The following NAV3 variants were observed in gnomAD, a reference collection of about 807,000 sequenced individuals.
The protein encoded by NAV3 is pore membrane and/or filament interacting like protein 1.
A neutral mutation model predicts 244.7 loss-of-function variants in NAV3; 87 were observed. The ratio of observed to expected loss-of-function variants is 0.36; its 90% CI spans 0.30 to 0.42. The LOEUF (loss-of-function observed/expected upper bound fraction) is 0.42. NAV3 is among the 20% of genes least tolerant of loss of function. The pLI, the probability that NAV3 is intolerant of heterozygous loss-of-function variation, is 1.00. For missense variants in NAV3, 2,663 were observed against 2,893.3 expected (o/e 0.92, Z 1.83); for synonymous variants, 1,126 against 1,042.2 (o/e 1.08, Z -1.55).
chr12:77,853,680 TA>T (rs962157782), intron 1 of NAV3, among the ~76,000 whole-genome samples: 1 of 151,910 alleles, frequency 6.6e-6, no homozygotes, highest in Non-Finnish European at 1.5e-5. Context: ...TATCTCTATT[TA>T]AAAAAAAGCC....
chr12:77,663,158 C>T (rs1873544056), intron 2 of NAV3, among the ~76,000 whole-genome samples: 1 of 152,172 alleles, frequency 6.6e-6, no homozygotes, highest in South Asian at 2.1e-4. Context: ...AGACATCTCA[C>T]ACTTAACTAG....
intron 2 of NAV3, among the ~76,000 whole-genome samples, chr12:77,684,080 C>G (rs1373103569): frequency 6.6e-6 from 1 of 152,160 alleles, no homozygotes; most frequent in Non-Finnish European, 1.5e-5. Context: ...TCCCAGTGAT[C>G]TGCATTCAGA....
At chr12:78,148,644 G>C (rs191833922) in intron 21 of NAV3, among the ~76,000 whole-genome samples, 198 bp from the exon 22 acceptor site, 1 of 152,216 alleles carries the variant, frequency 6.6e-6, no homozygotes, top group Admixed American at 6.5e-5. Flanking sequence ...ATTAGAGTTT[G>C]ACACATAACA....
rs551574814 is a variant in NAV3 at position 78,178,777 on chromosome 12, A to G, written c.5364-752A>G. Among the ~76,000 whole-genome samples the G allele has an allele frequency of 2.6e-4, 39 of 152,268 alleles. No homozygotes were observed. In the South Asian group the frequency reaches 7.7e-3, roughly 30 times the overall value. On this transcript the variant is annotated intron_variant, in intron 28 of 39. Transcript: ENST00000397909. Reference sequence around the variant, plus strand: ...TTTGTGGCCAGTAAACTAGTTGTCAAATTTTAAATGGAAAATATGTTAGTT... The same window carrying G: ...TTTGTGGCCAGTAAACTAGTTGTCAGATTTTAAATGGAAAATATGTTAGTT...
chr12:78,063,880 G>A (rs978112788), intron 12 of NAV3, among the ~76,000 whole-genome samples: 4 of 152,146 alleles, frequency 2.6e-5, no homozygotes, highest in Non-Finnish European at 5.9e-5. Flanking sequence ...GGAGACGAGA[G>A]ACAAAGGACC....
rs915588659 is a variant in NAV3, at chr12:78,091,713, G to A, written c.2637-25059G>A. On this transcript the variant is annotated intron_variant, in intron 12 of 39. Transcript: ENST00000397909. ...TGGGAGGCTGAGGCAGGAGAATGGCGTGAACCCGGGAGGCGGAGCTTGCAG... is the reference window on the plus strand; with the variant it reads ...TGGGAGGCTGAGGCAGGAGAATGGCATGAACCCGGGAGGCGGAGCTTGCAG... 37 of 146,530 alleles carry A rather than the reference G, an allele frequency of 2.5e-4. 1 individual carries two copies. Among genetic ancestry groups the A allele is most frequent in the African/African-American group, 1.5e-4 (6 of 39,494 alleles). 9.1% of individuals were successfully genotyped at this position (146,530 alleles called of 1,614,324 possible).
At chr12:78,078,112 A>C (rs1228198124) in intron 12 of NAV3, among the ~76,000 whole-genome samples, 3 of 152,108 alleles carry the variant, frequency 2.0e-5, no homozygotes, top group Non-Finnish European at 4.4e-5. Context: ...GTCTGTGTCC[A>C]AATTTCTCCT....
intron 1 of NAV3, among the ~76,000 whole-genome samples, chr12:77,867,586 A>C (rs936096604): frequency 6.6e-6 from 1 of 151,822 alleles, no homozygotes; most frequent in African/African-American, 2.4e-5. Context: ...CGCCCGGCTA[A>C]TTTTTTTGCA....
chr12:78,116,986 A>G (rs930815402), intron 13 of NAV3, 82 bp downstream of exon 13: 2 of 1,448,324 alleles, frequency 1.4e-6, no homozygotes, highest in African/African-American at 2.8e-5. Flanking sequence ...AAGGTATAGC[A>G]CAAGCCCTTA....
intron 11 of NAV3, among the ~76,000 whole-genome samples, chr12:78,057,902 T>A (rs928769226): frequency 2.0e-5 from 3 of 152,170 alleles, no homozygotes; most frequent in African/African-American, 7.2e-5. Flanking sequence ...AGGTGCCTGA[T>A]TTTTTTCCAA....
intron 2 of NAV3, among the ~76,000 whole-genome samples, chr12:77,712,984 A>T (rs1284900499): frequency 2.0e-5 from 3 of 152,184 alleles, no homozygotes; most frequent in Non-Finnish European, 4.4e-5. Context: ...ACTCACAGCC[A>T]CTGTCTGATG....
chr12:77,624,176 G>C (rs988750129), intron 2 of NAV3, among the ~76,000 whole-genome samples: 4 of 152,172 alleles, frequency 2.6e-5, no homozygotes, highest in Non-Finnish European at 5.9e-5. Flanking sequence ...AAGAGGTGAC[G>C]TTTTGAAAAG....
At chr12:78,038,666 T>C (rs1261203212) in intron 9 of NAV3, among the ~76,000 whole-genome samples, 1 of 152,210 alleles carries the variant, frequency 6.6e-6, no homozygotes, top group East Asian at 1.9e-4. Context: ...GTGATTTCTG[T>C]GATGAACTGC....
At chr12:77,838,177 T>A (rs1392345401) in intron 1 of NAV3, among the ~76,000 whole-genome samples, 4 of 152,248 alleles carry the variant, frequency 2.6e-5, no homozygotes, top group African/African-American at 9.6e-5. Context: ...ACTCTCCAGG[T>A]TTCACAGTTA....
chr12:78,166,160 T>C (rs1413665304), intron 23 of NAV3, among the ~76,000 whole-genome samples: 1 of 151,860 alleles, frequency 6.6e-6, no homozygotes, highest in Non-Finnish European at 1.5e-5. Context: ...AAGCACATTT[T>C]CACTTTTTTT....
chr12:77,692,730 A>G (rs954629184), intron 2 of NAV3, among the ~76,000 whole-genome samples: 1 of 152,060 alleles, frequency 6.6e-6, no homozygotes, highest in African/African-American at 2.4e-5. Context: ...CTGTTAGTTT[A>G]CAAAAGAAAT....
intron 2 of NAV3, among the ~76,000 whole-genome samples, chr12:77,703,766 AG>A (rs1406190306): frequency 2.0e-5 from 3 of 152,174 alleles, no homozygotes; most frequent in Non-Finnish European, 2.9e-5. Context: ...TTCTGTGAGA[AG>A]GTAGTCATTT....
At chr12:78,059,453 T>C (rs1883999870) in intron 12 of NAV3, among the ~76,000 whole-genome samples, 2 of 152,226 alleles carry the variant, frequency 1.3e-5, no homozygotes, top group East Asian at 1.9e-4. Context: ...CATGCCCAGC[T>C]AATTTTTGTA....
At chr12:77,995,145 C>G (rs184093309) in intron 6 of NAV3, among the ~76,000 whole-genome samples, 66 of 152,154 alleles carry the variant, frequency 4.3e-4, no homozygotes, top group African/African-American at 1.6e-3. Flanking sequence ...ATCAAGGAAA[C>G]CATTACTTTG....
Sources: allele counts gnomAD v4.1 joint callset (sites outside exome capture counted in the v4.1 genomes callset), GRCh38; gene constraint gnomAD v4.1.1; transcripts MANE v1.5; gene names NCBI Gene and HGNC (gene_info 2026-07-23, HGNC 2026-07-21).